Variants in HOOK1 observed in about 807,000 individuals in gnomAD.
HOOK1 encodes the protein protein Hook homolog 1.
Under a neutral mutation model 112.8 loss-of-function variants are expected in HOOK1, and 60 were observed. The observed-to-expected ratio is 0.53, with a 90% CI of 0.43 to 0.66. HOOK1 has a LOEUF of 0.66. HOOK1 is among the 30% of genes least tolerant of loss of function. HOOK1 has a pLI of 0.00. For missense variants in HOOK1, 770 were observed against 856.0 expected (o/e 0.90, Z 1.25); for synonymous variants, 294 against 283.8 (o/e 1.04, Z -0.36).
Position 59,872,809 on chromosome 1 carries a change from G to C in HOOK1, c.2031G>C (p.Gln677His), listed in dbSNP as rs1295656943. 4 of 1,428,628 alleles carry C rather than the reference G, an allele frequency of 2.8e-6. No individual in the cohort carries two copies. The highest frequency in any genetic ancestry group is 3.7e-6 in the Non-Finnish European group (4 of 1,078,014). The allele number at this position is 1,428,628 out of a possible 1,614,324, so 88.5% of individuals were successfully genotyped here. The change falls in exon 22 of 22, where the codon CAG (glutamine) becomes CAC (histidine). Residue 677 changes from glutamine to histidine, a missense_variant. This residue lies in a region of HOOK1 where 111 missense variants were observed against 111.8 expected (regional missense o/e 0.99). Transcript: ENST00000371208. Reference sequence around the variant, plus strand: ...TTTTTTTTCAGAGTCTAGCATTCCAGAAACTGGGGATGGAATCTAGACTTG... The same window carrying C: ...TTTTTTTTCAGAGTCTAGCATTCCACAAACTGGGGATGGAATCTAGACTTG... ...SAWYNKSLAF[Q>H]KLGMESRLVS...
At chr1:59,845,749 A>G (rs547015543) in intron 9 of HOOK1, among the ~76,000 whole-genome samples, 64 of 151,980 alleles carry the variant, frequency 4.2e-4, no homozygotes, top group African/African-American at 1.5e-3. Context: ...ATTATCCTGT[A>G]TATGTGACTA....
Position 59,865,865 on chromosome 1 carries a change from C to T in HOOK1, c.1745-7C>T, listed in dbSNP as rs773044968. On this transcript the variant is annotated splice_polypyrimidine_tract_variant and splice_region_variant and intron_variant, in intron 18 of 21. Transcript: ENST00000371208. ...CTGATTATGCTTCATTTTATTTTTA[C>T]TAATAGTACAAAAGATCAATGAACT... 1 of 1,430,444 alleles carries T rather than the reference C, an allele frequency of 7.0e-7. No homozygotes were observed. Among genetic ancestry groups the T allele is most frequent in the Non-Finnish European group, 9.6e-7 (1 of 1,042,654 alleles). The allele number at this position is 1,430,444 out of a possible 1,614,324, so 88.6% of individuals were successfully genotyped here.
chr1:59,858,333 AC>A, intron 12 of HOOK1, 94 bp from the exon 13 acceptor site: 2 of 807,346 alleles, frequency 2.5e-6, no homozygotes, highest in Non-Finnish European at 4.2e-6. Context: ...AAATTAAGCA[AC>A]AATTATTAAA....
intron 5 of HOOK1, among the ~76,000 whole-genome samples, chr1:59,834,510 T>C (rs2098396191): frequency 6.6e-6 from 1 of 152,184 alleles, no homozygotes; most frequent in African/African-American, 2.4e-5. Context: ...CTCTGTAGGC[T>C]TTTATTTCTC....
chr1:59,815,233 C>T, intron 1 of HOOK1, 53 bp downstream of exon 1: 2 of 1,503,266 alleles, frequency 1.3e-6, no homozygotes, highest in Non-Finnish European at 1.8e-6. Flanking sequence ...AGGCGAGGAG[C>T]CTGGGGCGCC....
Position 59,865,867 on chromosome 1 carries a change from A to G in HOOK1, c.1745-5A>G, listed in dbSNP as rs760326163. On this transcript the variant is annotated splice_polypyrimidine_tract_variant and splice_region_variant and intron_variant, in intron 18 of 21. Coordinates refer to ENST00000371208, the MANE Select transcript of HOOK1 (RefSeq NM_015888.6). ...GATTATGCTTCATTTTATTTTTACTAATAGTACAAAAGATCAATGAACTTG... is the reference window on the plus strand; with the variant it reads ...GATTATGCTTCATTTTATTTTTACTGATAGTACAAAAGATCAATGAACTTG... 6.9e-7 allele frequency: 1 copy of G among 1,453,956 alleles called. No homozygotes were observed. The highest frequency in any genetic ancestry group is 2.1e-5 in the Admixed American group (1 of 47,796). The allele number at this position is 1,453,956 out of a possible 1,614,324, so 90.1% of individuals were successfully genotyped here. A position where few individuals can be genotyped will look rare whatever the true frequency, so the allele number is the denominator to read the frequency against.
intron 21 of HOOK1, among the ~76,000 whole-genome samples, chr1:59,872,290 A>G (rs539137407): frequency 2.4e-4 from 37 of 152,350 alleles, no homozygotes; most frequent in African/African-American, 8.4e-4. Context: ...GTGGTTCTTA[A>G]ACATTAACTT....
At chr1:59,853,088 A>C (rs1161913442) in intron 12 of HOOK1, among the ~76,000 whole-genome samples, 1 of 152,004 alleles carries the variant, frequency 6.6e-6, no homozygotes, top group East Asian at 1.9e-4. Context: ...TTTTTAAAAA[A>C]TGTGTATTCT....
In HOOK1 at chr1:59,874,974, C is replaced by T. The variant is rs756696404; in HGVS notation, c.*2009C>T. 7 of 152,656 alleles carry T rather than the reference C, an allele frequency of 4.6e-5. No homozygotes were observed. The highest frequency in any genetic ancestry group is 6.8e-3 in the Middle Eastern group (2 of 294). The allele number at this position is 152,656 out of a possible 1,614,324, so 9.5% of individuals were successfully genotyped here. Reference sequence around the variant, plus strand: ...CAGTTATATTGTTGAGTTTCATTTTCATATATTCTTGTAGTGTCTGCTTGC... The same window carrying T: ...CAGTTATATTGTTGAGTTTCATTTTTATATATTCTTGTAGTGTCTGCTTGC... On this transcript the variant is annotated 3_prime_UTR_variant, in exon 22 of 22. Transcript: ENST00000371208.
rs566745483 is a variant in HOOK1 at position 59,847,787 on chromosome 1, T to A, written c.930-528T>A. On this transcript the variant is annotated intron_variant, in intron 10 of 21. Transcript: ENST00000371208. ...GTGTAACCATTAATTTGGACCTGCT[T>A]GCGATAGTGAAGTGATTTGGTTTAT... is the stretch of plus-strand genomic sequence containing the variant. 1.4e-3 allele frequency among the ~76,000 whole-genome samples: 217 copies of A among 151,812 alleles called. 1 individual carries two copies. The highest frequency in any genetic ancestry group is 4.9e-3 in the African/African-American group (205 of 41,526).
chr1:59,838,504 T>C (rs368838087), intron 7 of HOOK1, among the ~76,000 whole-genome samples: 1 of 152,208 alleles, frequency 6.6e-6, no homozygotes, highest in South Asian at 2.1e-4. Context: ...TTTTGAGAAG[T>C]GTCTTCTTTT....
At chr1:59,868,384 A>AT in intron 20 of HOOK1, 33 bp downstream of exon 20, 1 of 1,196,928 alleles carries the variant, frequency 8.4e-7, no homozygotes, top group Non-Finnish European at 1.2e-6. Flanking sequence ...TCTTTTAGTT[A>AT]TTTTGTAGAA....
chr1:59,850,858 A>T (rs1413838347), intron 12 of HOOK1, among the ~76,000 whole-genome samples: 2 of 151,646 alleles, frequency 1.3e-5, no homozygotes, highest in African/African-American at 4.8e-5. Context: ...GAGTGAGAAG[A>T]GGGTAAGAGG....
At chr1:59,826,637 G>A (rs959661081) in intron 2 of HOOK1, among the ~76,000 whole-genome samples, 1 of 152,182 alleles carries the variant, frequency 6.6e-6, no homozygotes. Context: ...CACATACTTG[G>A]ATTTTTTTAG....
At chr1:59,817,768 C>T (rs1158420240) in intron 1 of HOOK1, among the ~76,000 whole-genome samples, 1 of 152,164 alleles carries the variant, frequency 6.6e-6, no homozygotes, top group East Asian at 1.9e-4. Flanking sequence ...TTGTTACAAC[C>T]ATTTCTAAAG....
At chr1:59,831,888 C>G (rs1027913223) in intron 3 of HOOK1, among the ~76,000 whole-genome samples, 13 of 152,188 alleles carry the variant, frequency 8.5e-5, no homozygotes, top group Admixed American at 7.9e-4. Context: ...AGTTAACTTG[C>G]TCATGACTGC....
In HOOK1 at chr1:59,847,033, T is replaced by A. The variant is rs1370468711; in HGVS notation, c.789-12T>A. ...TGGAAGTTATAAATACTTACTTTTT[T>A]ATTTGTTCAAGGCTTGAAGCTGCAA... On this transcript the variant is annotated splice_polypyrimidine_tract_variant and intron_variant, in intron 9 of 21. Transcript: ENST00000371208. 1 of 1,565,436 alleles carries A rather than the reference T, an allele frequency of 6.4e-7. No homozygotes were observed. Among genetic ancestry groups the A allele is most frequent in the African/African-American group, 1.4e-5 (1 of 72,000 alleles).
rs1057252993 is a variant in HOOK1, at chr1:59,828,852, G to A, written c.222G>A (p.Lys74=). The A allele has an allele frequency of 1.9e-6, 3 of 1,611,046 alleles. No homozygotes were observed. Among genetic ancestry groups the A allele is most frequent in the African/African-American group, 2.7e-5 (2 of 74,832 alleles). Residue 74 remains lysine (K), a splice_region_variant and synonymous_variant, in exon 3 of 22, where the codon AAG becomes AAA. Coordinates refer to ENST00000371208, the MANE Select transcript of HOOK1 (RefSeq NM_015888.6). ...KEDVGDNWRI[K]ASNVKKVLQG... ...ATGTTGGGGACAACTGGAGAATAAA[G>A]GTATGCAGAACAAATGGGAGAAGCA... is the stretch of plus-strand genomic sequence containing the variant.
intron 8 of HOOK1, among the ~76,000 whole-genome samples, chr1:59,841,227 G>C (rs1031805418): frequency 6.6e-6 from 1 of 152,166 alleles, no homozygotes; most frequent in Non-Finnish European, 1.5e-5. Context: ...AGAAGGTTAA[G>C]TGTACCTTCA....
Sources: gnomAD v4.1 joint callset for allele counts (sites outside exome capture counted in the v4.1 genomes callset) on GRCh38, gnomAD v4.1.1 for gene constraint, gnomAD v4.1.1 regional missense constraint, MANE v1.5 for transcripts, NCBI Gene and HGNC (gene_info 2026-07-23, HGNC 2026-07-21) for gene names.